Variants in SEMA6D observed in about 807,000 individuals in gnomAD.
SEMA6D encodes semaphorin 6D.
Under a neutral mutation model 106.6 loss-of-function variants are expected in SEMA6D, and 35 were observed. That is an observed-to-expected ratio of 0.33 (90% confidence interval 0.25 to 0.44). The LOEUF (loss-of-function observed/expected upper bound fraction) is 0.44, where lower values mean the gene tolerates loss of function less well. SEMA6D is among the 20% of genes least tolerant of loss of function. SEMA6D has a pLI of 1.00. For synonymous variants in SEMA6D, 499 were observed against 487.7 expected, an observed-to-expected ratio of 1.02 and a Z score of -0.31; for missense variants, 1,185 against 1,345.9, an observed-to-expected ratio of 0.88 and a Z score of 1.87.
chr15:47,534,193 C>A (rs1313946463), intron 3 of SEMA6D, among the ~76,000 whole-genome samples: 5 of 149,376 alleles, frequency 3.3e-5, no homozygotes, highest in Admixed American at 1.3e-4. Context: ...AAAATGCCTT[C>A]TTTTTTTTTT....
At chr15:47,314,360 A>G (rs2036558337) in intron 1 of SEMA6D, among the ~76,000 whole-genome samples, 1 of 151,880 alleles carries the variant, frequency 6.6e-6, no homozygotes, top group Non-Finnish European at 1.5e-5. Context: ...GCACTTTGGG[A>G]GGCCGAGGCG....
intron 1 of SEMA6D, among the ~76,000 whole-genome samples, chr15:47,366,114 A>G (rs534559392): frequency 4.8e-4 from 73 of 152,316 alleles, no homozygotes; most frequent in African/African-American, 1.2e-3. Context: ...CACAAATGAT[A>G]AAGATTCGGA....
At chr15:47,271,935 A>G (rs548059146) in intron 1 of SEMA6D, among the ~76,000 whole-genome samples, 3 of 152,290 alleles carry the variant, frequency 2.0e-5, no homozygotes, top group Non-Finnish European at 4.4e-5. Context: ...GCATTTCACT[A>G]GACTTTCTTT....
intron 1 of SEMA6D, among the ~76,000 whole-genome samples, chr15:47,357,413 A>G (rs1036948709): frequency 6.6e-6 from 1 of 152,166 alleles, no homozygotes; most frequent in Admixed American, 6.5e-5. Flanking sequence ...AAAACAAAAC[A>G]AAAGAGAGCC....
At chr15:47,197,820 A>G (rs1894462884) in intron 1 of SEMA6D, among the ~76,000 whole-genome samples, 1 of 152,016 alleles carries the variant, frequency 6.6e-6, no homozygotes, top group Admixed American at 6.6e-5. Context: ...ATATATACAC[A>G]CTATGGAGTA....
At chr15:47,341,562 C>CTA (rs1274379757) in intron 1 of SEMA6D, among the ~76,000 whole-genome samples, 1 of 152,132 alleles carries the variant, frequency 6.6e-6, no homozygotes, top group Non-Finnish European at 1.5e-5. Flanking sequence ...ACCTTCCCAT[C>CTA]TATAATATAG....
intron 4 of SEMA6D, among the ~76,000 whole-genome samples, chr15:47,648,334 G>C (rs1320954347): frequency 2.0e-5 from 3 of 152,268 alleles, no homozygotes; most frequent in East Asian, 1.9e-4. Context: ...TGTTTGAAGT[G>C]TCCCAGTCTG....
At chr15:47,551,673 C>G (rs145694231) in intron 3 of SEMA6D, among the ~76,000 whole-genome samples, 14 of 141,366 alleles carry the variant, frequency 9.9e-5, no homozygotes, top group African/African-American at 3.2e-4. Context: ...ATCTGGGACT[C>G]TGTGTGTGTG....
At chr15:47,231,816 C>T (rs2032214260) in intron 1 of SEMA6D, among the ~76,000 whole-genome samples, 1 of 151,958 alleles carries the variant, frequency 6.6e-6, no homozygotes. Context: ...TATAAACTCC[C>T]TTTGAAAATT....
chr15:47,611,470 A>G (rs1011281723), intron 4 of SEMA6D, among the ~76,000 whole-genome samples: 1 of 152,222 alleles, frequency 6.6e-6, no homozygotes, highest in Non-Finnish European at 1.5e-5. Context: ...AGATTATAGC[A>G]CTTTGTATAC....
At chr15:47,391,554 A>G (rs2040032445) in intron 1 of SEMA6D, among the ~76,000 whole-genome samples, 4 of 152,126 alleles carry the variant, frequency 2.6e-5, no homozygotes. Context: ...TTATTACTGA[A>G]TTGCAATAAA....
chr15:47,689,286 A>G (rs2145728667), intron 4 of SEMA6D, among the ~76,000 whole-genome samples: 1 of 152,334 alleles, frequency 6.6e-6, no homozygotes, highest in East Asian at 1.9e-4. Context: ...TCTAGGTTTG[A>G]TAACCTGTTC....
At chr15:47,332,039 A>G (rs1327281445) in intron 1 of SEMA6D, among the ~76,000 whole-genome samples, 2 of 152,160 alleles carry the variant, frequency 1.3e-5, no homozygotes, top group African/African-American at 4.8e-5. Flanking sequence ...TCTCTTTATT[A>G]TTATTCTTCC....
At chr15:47,198,850 C>T (rs925195367) in intron 1 of SEMA6D, among the ~76,000 whole-genome samples, 13 of 152,218 alleles carry the variant, frequency 8.5e-5, no homozygotes, top group African/African-American at 2.9e-4. Flanking sequence ...AGGGAGGACA[C>T]GTATACGTCA....
intron 1 of SEMA6D, among the ~76,000 whole-genome samples, chr15:47,283,646 G>C (rs950215819): frequency 6.6e-6 from 1 of 152,182 alleles, no homozygotes; most frequent in African/African-American, 2.4e-5. Context: ...GGCTCGGGTT[G>C]TTGCCTCTAC....
At chr15:47,344,573 A>C (rs2037965458) in intron 1 of SEMA6D, among the ~76,000 whole-genome samples, 1 of 152,188 alleles carries the variant, frequency 6.6e-6, no homozygotes, top group Non-Finnish European at 1.5e-5. Flanking sequence ...TGAGAGTCTG[A>C]GAAGACCAAG....
intron 1 of SEMA6D, among the ~76,000 whole-genome samples, chr15:47,197,871 AT>A (rs1674897738): frequency 6.6e-6 from 1 of 151,970 alleles, no homozygotes; most frequent in South Asian, 2.1e-4. Flanking sequence ...TTTTTTACTA[AT>A]TTTTCAAAAT....
chr15:47,230,680 G>A (rs973577520), intron 1 of SEMA6D, among the ~76,000 whole-genome samples: 3 of 152,022 alleles, frequency 2.0e-5, no homozygotes, highest in South Asian at 2.1e-4. Flanking sequence ...AGCAACTGTC[G>A]GCCACACCTG....
intron 1 of SEMA6D, among the ~76,000 whole-genome samples, chr15:47,401,417 G>A (rs1250648177): frequency 6.6e-6 from 1 of 152,024 alleles, no homozygotes; most frequent in Non-Finnish European, 1.5e-5. Flanking sequence ...AGAAAAAATG[G>A]GATTTAAAGA....
Sources: gnomAD v4.1 joint callset for allele counts (sites outside exome capture counted in the v4.1 genomes callset) on GRCh38, gnomAD v4.1.1 for gene constraint, MANE v1.5 for transcripts, NCBI Gene and HGNC (gene_info 2026-07-23, HGNC 2026-07-21) for gene names.